Variants in R3HCC1L observed in about 807,000 individuals in gnomAD.
The protein encoded by R3HCC1L is R3H domain and coiled-coil containing 1 like.
Under a neutral mutation model 59.9 loss-of-function variants are expected in R3HCC1L, and 51 were observed. The observed-to-expected ratio is 0.85, with a 90% CI of 0.68 to 1.07. The LOEUF is 1.07. R3HCC1L is among the 50% of genes least tolerant of loss of function. R3HCC1L has a pLI of 0.00. For missense variants in R3HCC1L, 965 were observed against 933.0 expected, an observed-to-expected ratio of 1.03 and a Z score of -0.45; for synonymous variants, 322 against 315.2, an observed-to-expected ratio of 1.02 and a Z score of -0.23.
chr10:98,237,859 A>AT (rs1025370988), intron 9 of R3HCC1L, among the ~76,000 whole-genome samples: 13 of 151,748 alleles, frequency 8.6e-5, no homozygotes, highest in Admixed American at 3.3e-4. Context: ...GGCTTTAAAT[A>AT]TTTTTTTTCA....
intron 5 of R3HCC1L, among the ~76,000 whole-genome samples, chr10:98,224,377 CAAT>C (rs1215472660): frequency 2.0e-5 from 3 of 152,054 alleles, no homozygotes; most frequent in African/African-American, 7.2e-5. Context: ...AATAAAAACT[CAAT>C]GATGCATGCC....
chr10:98,234,482 A>G lies in R3HCC1L; in HGVS notation c.1998A>G (p.Thr666=), dbSNP rs1856704465. Residue 666 remains threonine, a synonymous_variant, in exon 7 of 10, where the codon ACA becomes ACG. Coordinates refer to ENST00000298999, the MANE Select transcript of R3HCC1L (RefSeq NM_001351015.2). ...TTGATATTAAATGGGTGGATGATAC[A>G]CATGCCCTAGGAGTATTCTCCAGTC... is the stretch of plus-strand genomic sequence containing the variant. ...KGFDIKWVDD[T]HALGVFSSPI... is the part of the protein sequence containing the mutation. 6.2e-7 allele frequency: 1 copy of G among 1,613,564 alleles called. No homozygotes were observed. The highest frequency in any genetic ancestry group is 8.5e-7 in the Non-Finnish European group (1 of 1,179,726).
At chr10:98,169,999 T>C (rs1376600939) in intron 4 of R3HCC1L, among the ~76,000 whole-genome samples, 1 of 151,946 alleles carries the variant, frequency 6.6e-6, no homozygotes, top group Non-Finnish European at 1.5e-5. Context: ...AGGCACATTT[T>C]TGGGGGAATG....
intron 4 of R3HCC1L, among the ~76,000 whole-genome samples, chr10:98,168,457 G>C (rs1848176254): frequency 1.3e-5 from 2 of 152,104 alleles, no homozygotes; most frequent in African/African-American, 4.8e-5. Flanking sequence ...GGCATGAATT[G>C]TGTTATGTCG....
Position 98,208,105 on chromosome 10 carries a change from T to C in R3HCC1L, c.-10T>C. On this transcript the variant is annotated 5_prime_UTR_variant, in exon 5 of 10. Transcript: ENST00000298999. ...TAAATCATTCTTCTCTTGCAGATTG[T>C]GGTGGTGCCATGCAGCAAGAATCAG... is the stretch of plus-strand genomic sequence containing the variant. 6.3e-7 allele frequency: 1 copy of C among 1,596,940 alleles called. No homozygotes were observed. The highest frequency in any genetic ancestry group is 8.5e-7 in the Non-Finnish European group (1 of 1,173,024).
rs569986488 is a variant in R3HCC1L, at chr10:98,224,309, C to G, written c.1786-7203C>G. Among the ~76,000 whole-genome samples the G allele has an allele frequency of 6.1e-4, 92 of 151,918 alleles. No individual in the cohort carries two copies. The South Asian group carries it at 0.018, about 29-fold the overall frequency. ...TAATTGGCATGTGACTTCAGAATTT[C>G]TTGTTTTTTTCCTTTTATATGTTGA... On this transcript the variant is annotated intron_variant, in intron 5 of 9. Transcript: ENST00000298999.
At chr10:98,227,630 G>T (rs1266466543) in intron 5 of R3HCC1L, among the ~76,000 whole-genome samples, 1 of 149,296 alleles carries the variant, frequency 6.7e-6, no homozygotes, top group South Asian at 2.1e-4. Flanking sequence ...TGTGCACAAC[G>T]TGCAGGTTTG....
At chr10:98,206,312 TTTTG>T (rs891922733) in intron 4 of R3HCC1L, among the ~76,000 whole-genome samples, 21 of 151,504 alleles carry the variant, frequency 1.4e-4, no homozygotes, top group African/African-American at 5.1e-4. Flanking sequence ...GTCTTCTGTC[TTTTG>T]TTTGATTCTT....
At chr10:98,165,281 A>G (rs981302669) in intron 4 of R3HCC1L, among the ~76,000 whole-genome samples, 1 of 152,220 alleles carries the variant, frequency 6.6e-6, no homozygotes, top group African/African-American at 2.4e-5. Flanking sequence ...TCAAATAACA[A>G]AAAACCCTGT....
At chr10:98,194,980 G>A (rs1192288255) in intron 4 of R3HCC1L, among the ~76,000 whole-genome samples, 1 of 152,056 alleles carries the variant, frequency 6.6e-6, no homozygotes, top group Non-Finnish European at 1.5e-5. Context: ...ATATTCCGAG[G>A]GAATGAGATT....
intron 4 of R3HCC1L, 57 bp from the exon 5 acceptor site, chr10:98,208,043 AT>A: frequency 6.9e-7 from 1 of 1,441,896 alleles, no homozygotes; most frequent in South Asian, 1.4e-5. Flanking sequence ...AAAAGAAAAT[AT>A]TTTGGTTCAA....
rs566775321 is a variant in R3HCC1L, at chr10:98,223,490, A to G, written c.1786-8022A>G. On this transcript the variant is annotated intron_variant, in intron 5 of 9. Coordinates refer to ENST00000298999, the MANE Select transcript of R3HCC1L (RefSeq NM_001351015.2). ...CATTCATATCTGTGCATCTAGTATAATAGTCACTTCTTCAAATTTTATGGA... is the reference window on the plus strand; with the variant it reads ...CATTCATATCTGTGCATCTAGTATAGTAGTCACTTCTTCAAATTTTATGGA... Among the ~76,000 whole-genome samples the G allele has an allele frequency of 5.9e-5, 9 of 151,820 alleles. No individual in the cohort carries two copies. The East Asian group carries it at 1.7e-3, about 29-fold the overall frequency.
rs1262884661 is a variant in R3HCC1L, at chr10:98,222,917, G to A, written c.1786-8595G>A. 2.6e-5 allele frequency among the ~76,000 whole-genome samples: 4 copies of A among 152,278 alleles called. No homozygotes were observed. The East Asian group carries it at 5.8e-4, about 22-fold the overall frequency. On this transcript the variant is annotated intron_variant, in intron 5 of 9. Transcript: ENST00000298999. ...CAGAGAATACTATAAACACCTCTAC[G>A]CAAATAAACTGGAAAATCTAGAAGA...
chr10:98,183,432 TTTGTTGTTG>T (rs551367212), intron 4 of R3HCC1L, among the ~76,000 whole-genome samples: 1 of 151,866 alleles, frequency 6.6e-6, no homozygotes, highest in South Asian at 2.1e-4. Context: ...ATTGTGGATT[TTTGTTGTTG>T]TTGTTGTTGT....
chr10:98,194,357 A>C (rs1165476991), intron 4 of R3HCC1L, among the ~76,000 whole-genome samples: 1 of 152,176 alleles, frequency 6.6e-6, no homozygotes, highest in Non-Finnish European at 1.5e-5. Context: ...CTAGAAAAAA[A>C]CAGGGGAAAA....
intron 4 of R3HCC1L, among the ~76,000 whole-genome samples, chr10:98,172,514 C>T (rs960467206): frequency 4.6e-5 from 7 of 152,082 alleles, no homozygotes; most frequent in Admixed American, 2.0e-4. Context: ...TGGCTTGGAT[C>T]GATGGTGGTT....
In R3HCC1L at chr10:98,244,038, G is replaced by A; in HGVS notation, c.2270-53G>A. 16 of 1,538,316 alleles carry A rather than the reference G, an allele frequency of 1.0e-5. No individual in the cohort carries two copies. The South Asian group carries it at 1.7e-4, about 16-fold the overall frequency. On this transcript the variant is annotated intron_variant, in intron 9 of 9. Transcript: ENST00000298999. ...GCCTTGTAATTTGGATTAAGGGAAA[G>A]TCATTGGTTATATGAAGTAGACAAC... is the stretch of plus-strand genomic sequence containing the variant.
At chr10:98,167,528 C>A (rs1848080396) in intron 4 of R3HCC1L, among the ~76,000 whole-genome samples, 1 of 152,178 alleles carries the variant, frequency 6.6e-6, no homozygotes, top group Non-Finnish European at 1.5e-5. Context: ...TTAAACTGTT[C>A]TGTGCTATGC....
At chr10:98,179,841 T>G (rs1849452045) in intron 4 of R3HCC1L, among the ~76,000 whole-genome samples, 2 of 152,200 alleles carry the variant, frequency 1.3e-5, no homozygotes, top group Admixed American at 1.3e-4. Context: ...ATTTTCTAGT[T>G]TATTTGCGTA....
Sources: allele counts gnomAD v4.1 joint callset (sites outside exome capture counted in the v4.1 genomes callset), GRCh38; gene constraint gnomAD v4.1.1; transcripts MANE v1.5; gene names NCBI Gene and HGNC (gene_info 2026-07-23, HGNC 2026-07-21).